The following TENM3 variants were observed in gnomAD, a reference collection of about 807,000 sequenced individuals.
The protein encoded by TENM3 is teneurin transmembrane protein 3, also known as teneurin-3.
In TENM3, 63 loss-of-function variants were observed where a neutral mutation model predicts 255.1. That is an observed-to-expected ratio of 0.25 (90% CI 0.20 to 0.30). The LOEUF (loss-of-function observed/expected upper bound fraction) is 0.30, where lower values mean the gene tolerates loss of function less well. Among genes scored for constraint, TENM3 ranks in the 10% least tolerant of loss-of-function variants. The pLI is 1.00. For missense variants in TENM3, 2,929 were observed against 3,461.1 expected, an observed-to-expected ratio of 0.85 and a Z score of 3.86; for synonymous variants, 1,306 against 1,322.3, an observed-to-expected ratio of 0.99 and a Z score of 0.27.
the TENM3 span, among the ~76,000 whole-genome samples, chr4:181,805,506 G>A: frequency 2.0e-5 from 3 of 152,188 alleles, no homozygotes; most frequent in African/African-American, 7.2e-5. Flanking sequence ...TGCAGAATCC[G>A]CAGACTAGCT....
the TENM3 span, among the ~76,000 whole-genome samples, chr4:181,722,805 A>C: frequency 6.6e-6 from 1 of 152,058 alleles, no homozygotes; most frequent in Non-Finnish European, 1.5e-5. Flanking sequence ...TATTCCTCAA[A>C]AGTATGATTT....
At chr4:182,490,451 G>T (rs1735182263) in intron 3 of TENM3, among the ~76,000 whole-genome samples, 1 of 152,052 alleles carries the variant, frequency 6.6e-6, no homozygotes, top group African/African-American at 2.4e-5. Context: ...GGACAGTGCT[G>T]GGTGACAGTA....
intron 3 of TENM3, among the ~76,000 whole-genome samples, chr4:182,557,149 A>C (rs1326763550): frequency 6.6e-6 from 1 of 152,196 alleles, no homozygotes; most frequent in Non-Finnish European, 1.5e-5. Context: ...TGTAAAATCA[A>C]AATTAAATGA....
chr4:181,733,869 T>G, the TENM3 span, among the ~76,000 whole-genome samples: 1 of 152,188 alleles, frequency 6.6e-6, no homozygotes, highest in Non-Finnish European at 1.5e-5. Flanking sequence ...ATTATGCGTT[T>G]AAAAATGCAA....
chr4:181,966,996 T>C, the TENM3 span, among the ~76,000 whole-genome samples: 1 of 151,984 alleles, frequency 6.6e-6, no homozygotes, highest in Admixed American at 6.6e-5. Context: ...CATATCTCTC[T>C]CTCTCTCTCG....
the TENM3 span, among the ~76,000 whole-genome samples, chr4:181,536,993 T>C: frequency 7.2e-5 from 11 of 152,212 alleles, no homozygotes; most frequent in African/African-American, 1.7e-4. Context: ...CTAGGTCAAC[T>C]GGTAATGATA....
chr4:182,332,387 C>T (rs1358642278), intron 2 of TENM3, among the ~76,000 whole-genome samples: 2 of 152,116 alleles, frequency 1.3e-5, no homozygotes, highest in East Asian at 3.9e-4. Flanking sequence ...TAGGAATATA[C>T]TATATATTTA....
At chr4:181,674,610 A>G in the TENM3 span, among the ~76,000 whole-genome samples, 1 of 152,142 alleles carries the variant, frequency 6.6e-6, no homozygotes, top group Non-Finnish European at 1.5e-5. Flanking sequence ...CAGACCTTCT[A>G]TTAGGTTTTC....
the TENM3 span, among the ~76,000 whole-genome samples, chr4:181,923,528 A>C: frequency 6.6e-6 from 1 of 152,186 alleles, no homozygotes; most frequent in Non-Finnish European, 1.5e-5. Context: ...AATGCTCTGC[A>C]TTTTCTTTAA....
chr4:181,449,993 T>C, the TENM3 span, among the ~76,000 whole-genome samples: 4 of 152,216 alleles, frequency 2.6e-5, no homozygotes, highest in Non-Finnish European at 5.9e-5. Context: ...GCTTATGTCA[T>C]TCCGCATATT....
chr4:181,808,019 G>T, the TENM3 span, among the ~76,000 whole-genome samples: 1 of 152,134 alleles, frequency 6.6e-6, no homozygotes, highest in Non-Finnish European at 1.5e-5. Flanking sequence ...CATTTCCCAT[G>T]GGAGCTCCCT....
chr4:181,992,086 G>A, the TENM3 span, among the ~76,000 whole-genome samples: 3 of 152,010 alleles, frequency 2.0e-5, no homozygotes, highest in Non-Finnish European at 2.9e-5. Flanking sequence ...AGGAAAAATC[G>A]ATAGGGCATG....
At chr4:181,473,853 T>A in the TENM3 span, among the ~76,000 whole-genome samples, 429 of 138,090 alleles carry the variant, frequency 3.1e-3, 5 homozygotes, top group South Asian at 0.041. Flanking sequence ...ATATACAGTA[T>A]ATATTCTGTG....
intron 6 of TENM3, among the ~76,000 whole-genome samples, chr4:182,659,554 G>A (rs551905153): frequency 7.4e-4 from 112 of 152,242 alleles, no homozygotes; most frequent in South Asian, 2.1e-3. Context: ...AAATGGCACC[G>A]TCGTTCACTT....
At chr4:182,103,608 C>T in the TENM3 span, among the ~76,000 whole-genome samples, 1 of 152,180 alleles carries the variant, frequency 6.6e-6, no homozygotes, top group South Asian at 2.1e-4. Flanking sequence ...GCCCCTCACT[C>T]ACTGCCCTGC....
the TENM3 span, among the ~76,000 whole-genome samples, chr4:182,017,747 T>TA: frequency 1.3e-5 from 2 of 152,228 alleles, no homozygotes; most frequent in Non-Finnish European, 2.9e-5. Flanking sequence ...TCCTATAAAT[T>TA]GTCTTAGTAT....
At chr4:182,252,296 T>A (rs1758072214) in intron 1 of TENM3, among the ~76,000 whole-genome samples, 1 of 152,174 alleles carries the variant, frequency 6.6e-6, no homozygotes, top group African/African-American at 2.4e-5. Context: ...ATGCTCCTTA[T>A]GAGTCAAACA....
the TENM3 span, among the ~76,000 whole-genome samples, chr4:181,991,444 A>G: frequency 6.6e-6 from 1 of 152,124 alleles, no homozygotes; most frequent in Non-Finnish European, 1.5e-5. Context: ...TGTTTTAATT[A>G]ATCTGGGTGC....
At chr4:181,513,173 A>G in the TENM3 span, among the ~76,000 whole-genome samples, 1 of 152,130 alleles carries the variant, frequency 6.6e-6, no homozygotes, top group Non-Finnish European at 1.5e-5. Flanking sequence ...CATTTAGCCT[A>G]TAGTTCTGGA....
Sources: allele counts gnomAD v4.1 joint callset (sites outside exome capture counted in the v4.1 genomes callset), GRCh38; gene constraint gnomAD v4.1.1; transcripts MANE v1.5; gene names NCBI Gene and HGNC (gene_info 2026-07-23, HGNC 2026-07-21).